The following ANKFN1 variants were observed in gnomAD, a reference collection of about 807,000 sequenced individuals.
ANKFN1 encodes the protein ankyrin repeat and fibronectin type-III domain-containing protein 1.
Under a neutral mutation model 108.7 loss-of-function variants are expected in ANKFN1, and 74 were observed. That is an observed-to-expected ratio of 0.68 (90% CI 0.56 to 0.83). The LOEUF is 0.83. ANKFN1 is among the 40% of genes least tolerant of loss of function. The pLI is 0.00. For missense variants in ANKFN1, 1,505 were observed against 1,382.3 expected (o/e 1.09, Z -1.41); for synonymous variants, 547 against 516.2 (o/e 1.06, Z -0.81).
At chr17:56,475,248 A>T (rs937658030) in intron 15 of ANKFN1, among the ~76,000 whole-genome samples, 8 of 152,198 alleles carry the variant, frequency 5.3e-5, no homozygotes, top group Admixed American at 5.2e-4. Context: ...TATAAAACTG[A>T]TTTCAATATA....
chr17:56,338,273 C>T (rs372221351), intron 4 of ANKFN1, among the ~76,000 whole-genome samples: 8 of 151,850 alleles, frequency 5.3e-5, no homozygotes, highest in East Asian at 3.9e-4. Context: ...GGACACAGGG[C>T]GGGGAACATC....
At chr17:56,352,166 C>G (rs1598444083) in intron 5 of ANKFN1, among the ~76,000 whole-genome samples, 2 of 152,308 alleles carry the variant, frequency 1.3e-5, no homozygotes, top group East Asian at 3.9e-4. Flanking sequence ...GGATAAAACA[C>G]TTTACCATTC....
intron 8 of ANKFN1, among the ~76,000 whole-genome samples, chr17:56,382,079 G>A (rs1337385162): frequency 6.6e-6 from 1 of 152,166 alleles, no homozygotes; most frequent in Non-Finnish European, 1.5e-5. Flanking sequence ...CAGACTAACA[G>A]CGGATCTCTC....
chr17:56,163,108 A>G (rs1909825735), intron 1 of ANKFN1, among the ~76,000 whole-genome samples: 1 of 152,056 alleles, frequency 6.6e-6, no homozygotes, highest in Non-Finnish European at 1.5e-5. Flanking sequence ...TTAACATTCC[A>G]AACTTGCTGG....
chr17:56,105,696 TG>T (rs1309112264), intron 4 of ANKFN1, among the ~76,000 whole-genome samples: 2 of 142,782 alleles, frequency 1.4e-5, no homozygotes, highest in Admixed American at 7.4e-5. Context: ...TTTGGAGTTT[TG>T]GGGGTTTTTT....
intron 3 of ANKFN1, among the ~76,000 whole-genome samples, chr17:56,247,793 A>G (rs1024195592): frequency 6.6e-6 from 1 of 152,118 alleles, no homozygotes; most frequent in East Asian, 1.9e-4. Flanking sequence ...AAATTGTTAC[A>G]TTTCCCCAGA....
chr17:56,085,375 G>C (rs1201226695), intron 4 of ANKFN1, among the ~76,000 whole-genome samples: 2 of 150,632 alleles, frequency 1.3e-5, no homozygotes, highest in Non-Finnish European at 3.0e-5. Context: ...CATAGGAATA[G>C]GCCATGTGAA....
At chr17:56,129,542 A>AT (rs1390926738) in intron 4 of ANKFN1, among the ~76,000 whole-genome samples, 7 of 152,010 alleles carry the variant, frequency 4.6e-5, no homozygotes, top group Admixed American at 3.9e-4. Context: ...AAGTCATGGG[A>AT]ATTCTTTTTA....
At chr17:56,099,570 T>A (rs1333998936) in intron 4 of ANKFN1, among the ~76,000 whole-genome samples, 1 of 152,206 alleles carries the variant, frequency 6.6e-6, no homozygotes, top group Admixed American at 6.5e-5. Flanking sequence ...AAAGGTTGAT[T>A]AAACCCAGTC....
chr17:56,480,665 C>G lies in ANKFN1; in HGVS notation c.1941-3C>G. On this transcript the variant is annotated splice_polypyrimidine_tract_variant and splice_region_variant and intron_variant, in intron 16 of 20. Transcript: ENST00000682825. The stretch of plus-strand genomic sequence containing the variant: ...TCTAATTTTAACTTGACTCAACATA[C>G]AGAGAGGAATGGGAATGGATCCAAA... The G allele has an allele frequency of 6.2e-7, 1 of 1,613,496 alleles. No homozygotes were observed. Among genetic ancestry groups the G allele is most frequent in the Non-Finnish European group, 8.5e-7 (1 of 1,179,654 alleles).
chr17:56,254,561 A>C (rs562975026), intron 3 of ANKFN1, among the ~76,000 whole-genome samples: 29 of 152,270 alleles, frequency 1.9e-4, no homozygotes, highest in African/African-American at 7.0e-4. Flanking sequence ...CCAGCAGTCT[A>C]ATTTCCCTAG....
chr17:56,093,886 C>T (rs538612399), intron 4 of ANKFN1, among the ~76,000 whole-genome samples: 2 of 151,244 alleles, frequency 1.3e-5, no homozygotes, highest in East Asian at 3.9e-4. Flanking sequence ...AGTCCTAATC[C>T]CCAATACCTC....
intron 3 of ANKFN1, among the ~76,000 whole-genome samples, chr17:56,231,568 AC>A (rs1271563120): frequency 5.9e-5 from 9 of 152,194 alleles, no homozygotes; most frequent in African/African-American, 2.2e-4. Flanking sequence ...TTCTCTGTTC[AC>A]TTTTTTATAT....
intron 8 of ANKFN1, among the ~76,000 whole-genome samples, chr17:56,377,461 T>C (rs1242324165): frequency 1.3e-5 from 2 of 151,914 alleles, no homozygotes; most frequent in Non-Finnish European, 2.9e-5. Context: ...TTTCTGAATT[T>C]CCCCTGAATG....
chr17:56,115,429 A>AT (rs1906209253), intron 4 of ANKFN1, among the ~76,000 whole-genome samples: 1 of 152,194 alleles, frequency 6.6e-6, no homozygotes, highest in Non-Finnish European at 1.5e-5. Context: ...CATCCAGTAT[A>AT]TACCAATCAT....
chr17:56,445,138 A>C (rs1178098710), intron 10 of ANKFN1, among the ~76,000 whole-genome samples: 1 of 152,244 alleles, frequency 6.6e-6, no homozygotes, highest in Non-Finnish European at 1.5e-5. Context: ...TTCTAAGATT[A>C]GGATAAAAGG....
chr17:56,123,148 G>C (rs1906722129), intron 4 of ANKFN1, among the ~76,000 whole-genome samples: 1 of 152,200 alleles, frequency 6.6e-6, no homozygotes. Context: ...ACGTGCTCAA[G>C]GTCACACAAT....
intron 8 of ANKFN1, among the ~76,000 whole-genome samples, chr17:56,399,371 A>G (rs568911281): frequency 2.8e-4 from 42 of 152,270 alleles, no homozygotes; most frequent in South Asian, 8.3e-4. Flanking sequence ...GAACTTCAAC[A>G]AAAACAACTA....
chr17:56,407,662 C>CGTGGT (rs2047960784), intron 8 of ANKFN1, among the ~76,000 whole-genome samples: 6 of 152,206 alleles, frequency 3.9e-5, no homozygotes, highest in African/African-American at 9.6e-5. Flanking sequence ...TCTCAGAACT[C>CGTGGT]CCAAAGTACC....
Sources: allele counts gnomAD v4.1 joint callset (sites outside exome capture counted in the v4.1 genomes callset), GRCh38; gene constraint gnomAD v4.1.1; transcripts MANE v1.5; gene names NCBI Gene and HGNC (gene_info 2026-07-23, HGNC 2026-07-21).